Variants in LIMCH1 observed in about 807,000 individuals in gnomAD.
The protein encoded by LIMCH1 is LIM and calponin homology domains 1, also known as LIM and calponin homology domains-containing protein 1.
Under a neutral mutation model 176.5 loss-of-function variants are expected in LIMCH1, and 113 were observed. The ratio of observed to expected loss-of-function variants is 0.64; its 90% confidence interval spans 0.55 to 0.75. The LOEUF (loss-of-function observed/expected upper bound fraction) is 0.75. LIMCH1 is among the 30% of genes least tolerant of loss of function. The pLI is 0.00. For missense variants in LIMCH1, 1,674 were observed against 1,814.9 expected (o/e 0.92, Z 1.41); for synonymous variants, 619 against 645.9 (o/e 0.96, Z 0.63).
At chr4:41,542,698 A>G (rs547269800) in intron 1 of LIMCH1, among the ~76,000 whole-genome samples, 6 of 152,234 alleles carry the variant, frequency 3.9e-5, no homozygotes, top group African/African-American at 1.4e-4. Context: ...TGATATTTCA[A>G]TTGTTTCCAG....
chr4:41,568,430 A>G (rs1182338605), intron 1 of LIMCH1, among the ~76,000 whole-genome samples: 1 of 152,238 alleles, frequency 6.6e-6, no homozygotes, highest in Non-Finnish European at 1.5e-5. Flanking sequence ...TTCCCTTGCA[A>G]TGGTGTGTCA....
At chr4:41,621,937 T>G (rs1275812737) in intron 7 of LIMCH1, among the ~76,000 whole-genome samples, 1 of 151,956 alleles carries the variant, frequency 6.6e-6, no homozygotes, top group African/African-American at 2.4e-5. Flanking sequence ...AAATATCCAG[T>G]GTTGAGTTAC....
chr4:41,424,678 T>C (rs1044531886), intron 1 of LIMCH1, among the ~76,000 whole-genome samples: 10 of 152,204 alleles, frequency 6.6e-5, no homozygotes, highest in African/African-American at 2.2e-4. Flanking sequence ...TTGTCACTAA[T>C]TGAGTTTTCA....
chr4:41,606,141 A>G (rs1439366164), intron 4 of LIMCH1, 137 bp downstream of exon 4: 2 of 584,058 alleles, frequency 3.4e-6, no homozygotes, highest in Non-Finnish European at 6.3e-6. Context: ...GGAAACGATC[A>G]CTTGTCTTAC....
chr4:41,376,736 A>G (rs148327875), intron 1 of LIMCH1, among the ~76,000 whole-genome samples: 4 of 152,298 alleles, frequency 2.6e-5, no homozygotes, highest in African/African-American at 9.6e-5. Context: ...TTACCTCATG[A>G]CACTAATTTG....
intron 1 of LIMCH1, among the ~76,000 whole-genome samples, chr4:41,432,479 G>C (rs2061688848): frequency 6.6e-6 from 1 of 152,156 alleles, no homozygotes; most frequent in African/African-American, 2.4e-5. Flanking sequence ...GGTAAAGATA[G>C]AAGCTAGAAA....
At chr4:41,380,985 G>A (rs905061525) in intron 1 of LIMCH1, among the ~76,000 whole-genome samples, 1 of 152,174 alleles carries the variant, frequency 6.6e-6, no homozygotes, top group Non-Finnish European at 1.5e-5. Context: ...ATTCCTGAGT[G>A]TAAAGTCATA....
chr4:41,550,516 G>A (rs1321652315), intron 1 of LIMCH1, among the ~76,000 whole-genome samples: 2 of 152,062 alleles, frequency 1.3e-5, no homozygotes, highest in Admixed American at 6.6e-5. Context: ...GAGTTGACAG[G>A]AAGTGGGCAG....
In LIMCH1 at chr4:41,367,684, C is replaced by CAAAAAAA. The variant is rs35832745; in HGVS notation, c.96+6764_96+6770dup. ...TGAAACCCTGTCTCTACTAAAAATC[C>CAAAAAAA]AAAAAAAAAAAAAAAAAAAAAAGGA... On this transcript the variant is annotated intron_variant, in intron 1 of 26. Transcript: ENST00000313860. Among the ~76,000 whole-genome samples the CAAAAAAA allele has an allele frequency of 4.8e-4, 46 of 96,524 alleles. 1 individual carries two copies. Among genetic ancestry groups the CAAAAAAA allele is most frequent in the African/African-American group, 6.0e-4 (15 of 24,906 alleles). 63.3% of individuals were successfully genotyped at this position (96,524 alleles called of 152,430 possible).
intron 1 of LIMCH1, among the ~76,000 whole-genome samples, chr4:41,432,444 A>G (rs954701382): frequency 6.6e-6 from 1 of 152,200 alleles, no homozygotes; most frequent in African/African-American, 2.4e-5. Flanking sequence ...CATCCCTAAC[A>G]GGAGGGTTAG....
chr4:41,652,391 G>A (rs1319069555), intron 18 of LIMCH1, among the ~76,000 whole-genome samples: 1 of 152,106 alleles, frequency 6.6e-6, no homozygotes, highest in East Asian at 1.9e-4. Context: ...GCAGAGTTTT[G>A]TGATCCAGGC....
At chr4:41,574,310 T>C (rs1444403118) in intron 1 of LIMCH1, among the ~76,000 whole-genome samples, 2 of 113,378 alleles carry the variant, frequency 1.8e-5, no homozygotes, top group Admixed American at 1.1e-4. Context: ...CTCTCCTTTT[T>C]TGAGACAGAA....
chr4:41,582,369 G>A (rs1349999855), intron 1 of LIMCH1, among the ~76,000 whole-genome samples: 3 of 152,244 alleles, frequency 2.0e-5, no homozygotes, highest in Non-Finnish European at 2.9e-5. Context: ...ACTCCTGAGA[G>A]ACTAGGTGGC....
intron 1 of LIMCH1, among the ~76,000 whole-genome samples, chr4:41,374,150 T>A (rs2054383496): frequency 6.6e-6 from 1 of 152,048 alleles, no homozygotes; most frequent in Non-Finnish European, 1.5e-5. Flanking sequence ...TGCAGGCTGT[T>A]GACCAAGGGT....
intron 2 of LIMCH1, among the ~76,000 whole-genome samples, chr4:41,498,222 G>C (rs146024991): frequency 4.1e-4 from 62 of 152,172 alleles, no homozygotes; most frequent in Non-Finnish European, 8.5e-4. Flanking sequence ...TAGTGGACCT[G>C]GATTAAAGAC....
chr4:41,475,601 A>G (rs2067601422), intron 1 of LIMCH1, among the ~76,000 whole-genome samples: 1 of 151,968 alleles, frequency 6.6e-6, no homozygotes, highest in African/African-American at 2.4e-5. Flanking sequence ...ATTTTAGAAC[A>G]CCCTTAGTCC....
chr4:41,551,106 C>T (rs745485018), intron 1 of LIMCH1: 3 of 152,148 alleles, frequency 2.0e-5, no homozygotes, highest in Non-Finnish European at 4.4e-5. Context: ...TTTCTTCTAT[C>T]TTTCTTCCTC....
intron 1 of LIMCH1, among the ~76,000 whole-genome samples, chr4:41,482,802 A>G (rs1488951341): frequency 6.6e-6 from 1 of 152,224 alleles, no homozygotes; most frequent in African/African-American, 2.4e-5. Flanking sequence ...TTTATTCTTC[A>G]TGCAAACCTT....
At chr4:41,660,155 C>T (rs1037709458) in intron 18 of LIMCH1, among the ~76,000 whole-genome samples, 16 of 152,118 alleles carry the variant, frequency 1.1e-4, no homozygotes, top group East Asian at 1.9e-4. Context: ...GTTTACATTT[C>T]CTATCATTAG....
Sources: allele counts gnomAD v4.1 joint callset (sites outside exome capture counted in the v4.1 genomes callset), GRCh38; gene constraint gnomAD v4.1.1; transcripts MANE v1.5; gene names NCBI Gene and HGNC (gene_info 2026-07-23, HGNC 2026-07-21).